SPRY3: variants seen among roughly 807,000 people sequenced by gnomAD.
SPRY3 encodes sprouty RTK signaling antagonist 3.
In SPRY3, 15 loss-of-function variants were observed where a neutral mutation model predicts 20.2. That is an observed-to-expected ratio of 0.74 (90% CI 0.50 to 1.14). SPRY3 has a LOEUF of 1.14. SPRY3 is among the 50% of genes most tolerant of loss of function. The pLI is 0.00. For synonymous variants in SPRY3, 143 were observed against 136.5 expected, an observed-to-expected ratio of 1.05 and a Z score of -0.33; for missense variants, 364 against 363.9, an observed-to-expected ratio of 1.00 and a Z score of 0.00.
At chrX:155,740,482 C>A (rs1194654438) in intron 2 of SPRY3, among the ~76,000 whole-genome samples, 1 of 152,098 alleles carries the variant, frequency 6.6e-6, no homozygotes, top group African/African-American at 2.4e-5. Context: ...GAAAGGAATG[C>A]ATTCCTGGGT....
chrX:155,725,465 G>A (rs984808009), intron 2 of SPRY3, among the ~76,000 whole-genome samples: 7 of 152,030 alleles, frequency 4.6e-5, no homozygotes, highest in Non-Finnish European at 1.0e-4. Context: ...TTTTTTGGTT[G>A]GTGGGCTATT....
At chrX:155,673,625 C>A (rs782392414) in intron 2 of SPRY3, among the ~76,000 whole-genome samples, 74 of 111,992 alleles carry the variant, frequency 6.6e-4, no homozygotes, top group Admixed American at 2.9e-3. Flanking sequence ...TACAAGCCCC[C>A]CTCTTATAGC....
chrX:155,706,608 GAA>G (rs34310993), intron 2 of SPRY3, among the ~76,000 whole-genome samples: 2 of 146,836 alleles, frequency 1.4e-5, no homozygotes, highest in East Asian at 2.0e-4. Context: ...GAATGATCAA[GAA>G]AAAAAAAATC....
At chrX:155,683,825 A>G (rs1197494033) in intron 2 of SPRY3, among the ~76,000 whole-genome samples, 1 of 112,234 alleles carries the variant, frequency 8.9e-6, no homozygotes. Flanking sequence ...ATGAGAGGAC[A>G]GCCTGGGACA....
intron 2 of SPRY3, among the ~76,000 whole-genome samples, chrX:155,721,921 A>G (rs1032201471): frequency 8.5e-5 from 13 of 152,106 alleles, no homozygotes; most frequent in Non-Finnish European, 1.5e-4. Flanking sequence ...ATATTATAAC[A>G]CTGTAACTGT....
At chrX:155,724,458 C>T (rs1302072602) in intron 2 of SPRY3, among the ~76,000 whole-genome samples, 3 of 152,066 alleles carry the variant, frequency 2.0e-5, no homozygotes, top group East Asian at 3.9e-4. Context: ...TCTTTTATTT[C>T]GTTGAGCAGT....
At chrX:155,658,877 G>C (rs181144094) in intron 2 of SPRY3, among the ~76,000 whole-genome samples, 3 of 111,552 alleles carry the variant, frequency 2.7e-5, no homozygotes, top group African/African-American at 9.8e-5. Flanking sequence ...CTAGCTTGTT[G>C]AGGGTTTTAT....
At chrX:155,749,647 G>T (rs2091249806) in intron 2 of SPRY3, among the ~76,000 whole-genome samples, 1 of 151,808 alleles carries the variant, frequency 6.6e-6, no homozygotes, top group South Asian at 2.1e-4. Context: ...AGAAATTGAG[G>T]TGAGGGCAAT....
chrX:155,757,315 C>T (rs938339668), intron 2 of SPRY3, among the ~76,000 whole-genome samples: 8 of 152,130 alleles, frequency 5.3e-5, no homozygotes, highest in African/African-American at 1.9e-4. Flanking sequence ...ACTGTTTCCT[C>T]TCTGTGGGAG....
At chrX:155,759,283 C>A (rs899802308) in intron 2 of SPRY3, among the ~76,000 whole-genome samples, 1 of 152,078 alleles carries the variant, frequency 6.6e-6, no homozygotes, top group Non-Finnish European at 1.5e-5. Context: ...CTCGACCTCC[C>A]AAAATGCTGG....
At chrX:155,742,989 G>C (rs1389556300) in intron 2 of SPRY3, among the ~76,000 whole-genome samples, 1 of 151,862 alleles carries the variant, frequency 6.6e-6, no homozygotes, top group Non-Finnish European at 1.5e-5. Context: ...AATTGAAGGA[G>C]ACAGAGAAAC....
intron 2 of SPRY3, among the ~76,000 whole-genome samples, chrX:155,733,439 C>T: frequency 6.6e-6 from 1 of 150,436 alleles, no homozygotes; most frequent in East Asian, 2.0e-4. Flanking sequence ...ACATACCCAC[C>T]TACTATGTAC....
intron 2 of SPRY3, among the ~76,000 whole-genome samples, chrX:155,709,752 G>A (rs944584860): frequency 1.3e-5 from 2 of 151,692 alleles, no homozygotes; most frequent in Admixed American, 6.6e-5. Flanking sequence ...CCAATGTCCT[G>A]GAGAGTTCTC....
intron 2 of SPRY3, among the ~76,000 whole-genome samples, chrX:155,740,241 G>C (rs1418484896): frequency 6.6e-6 from 1 of 152,090 alleles, no homozygotes. Context: ...CAAATTGATT[G>C]TAAAACATTT....
At chrX:155,707,215 T>C (rs1431115332) in intron 2 of SPRY3, among the ~76,000 whole-genome samples, 4 of 151,294 alleles carry the variant, frequency 2.6e-5, no homozygotes, top group African/African-American at 7.3e-5. Flanking sequence ...TTAAAATGCA[T>C]TATAACTTTC....
At chrX:155,728,531 C>T (rs940853266) in intron 2 of SPRY3, among the ~76,000 whole-genome samples, 3 of 152,204 alleles carry the variant, frequency 2.0e-5, no homozygotes, top group African/African-American at 7.2e-5. Context: ...GACGCCCCTC[C>T]CCCTCCAGGC....
chrX:155,752,124 T>C (rs774289080), intron 2 of SPRY3, among the ~76,000 whole-genome samples: 1 of 151,756 alleles, frequency 6.6e-6, no homozygotes, highest in South Asian at 2.1e-4. Context: ...ATGACACATG[T>C]CTAGACAGAT....
chrX:155,665,491 C>G (rs2084120157), intron 2 of SPRY3, among the ~76,000 whole-genome samples: 1 of 110,977 alleles, frequency 9.0e-6, no homozygotes, highest in South Asian at 3.8e-4. Context: ...TAGCATGGTT[C>G]ATTTATTCAA....
At chrX:155,668,495 A>T (rs1464113585) in intron 2 of SPRY3, among the ~76,000 whole-genome samples, 1 of 111,098 alleles carries the variant, frequency 9.0e-6, no homozygotes, top group Non-Finnish European at 1.9e-5. Flanking sequence ...TATAGGGGTT[A>T]CACAGGCTTA....
Sources: allele counts gnomAD v4.1 joint callset (sites outside exome capture counted in the v4.1 genomes callset), GRCh38; gene constraint gnomAD v4.1.1; transcripts MANE v1.5; gene names NCBI Gene and HGNC (gene_info 2026-07-23, HGNC 2026-07-21).